MIF4GD: variants seen among roughly 807,000 people sequenced by gnomAD.
The protein encoded by MIF4GD is MIF4G domain containing.
MIF4GD carries 22 observed loss-of-function variants against 26.7 expected under a neutral mutation model. The observed-to-expected ratio is 0.82, with a 90% CI of 0.59 to 1.18. The LOEUF (loss-of-function observed/expected upper bound fraction) is 1.18, where lower values mean the gene tolerates loss of function less well. Ranked by LOEUF, MIF4GD falls within the 50% of genes most tolerant of loss-of-function variation. MIF4GD has a pLI of 0.00. For synonymous variants in MIF4GD, 137 were observed against 111.6 expected, an observed-to-expected ratio of 1.23 and a Z score of -1.43; for missense variants, 262 against 279.6, an observed-to-expected ratio of 0.94 and a Z score of 0.45.
Position 75,268,172 on chromosome 17 carries a change from C to G in MIF4GD, c.103G>C (p.Glu35Gln). Residue 35 changes from glutamate to glutamine, a missense_variant, in exon 3 of 6, where the codon GAG (glutamate) becomes CAG (glutamine). Transcript: ENST00000325102. Reference protein sequence around the residue: ...ALKDPGAVDLEKVANVIVDHS... With the variant: ...ALKDPGAVDLQKVANVIVDHS... The stretch of plus-strand genomic sequence containing the variant: ...TCCACAATCACATTGGCCACTTTCT[C>G]CAAGTCCACAGCACCCGGATCTAGG... The G allele has an allele frequency of 6.2e-7, 1 of 1,614,214 alleles. No homozygotes were observed. The highest frequency in any genetic ancestry group is 8.5e-7 in the Non-Finnish European group (1 of 1,180,014).
Position 75,270,327 on chromosome 17 carries a change from C to G in MIF4GD, c.-50-82G>C. On this transcript the variant is annotated intron_variant, in intron 1 of 5. Transcript: ENST00000325102. The surrounding 1 kb of genome is among the most constrained non-coding windows in gnomAD (Gnocchi z 5.7). Reference sequence around the variant, plus strand: ...TCCTGCAGGCCCTGGACGGGGCTGACGGCGCGCTCGGGACAGGGACTCCTG... The same window carrying G: ...TCCTGCAGGCCCTGGACGGGGCTGAGGGCGCGCTCGGGACAGGGACTCCTG... The G allele has an allele frequency of 1.0e-5, 8 of 764,016 alleles. No individual in the cohort carries two copies. Among genetic ancestry groups the G allele is most frequent in the East Asian group, 2.6e-5 (1 of 39,208 alleles). 47.3% of individuals were successfully genotyped at this position (764,016 alleles called of 1,614,324 possible). A position where few individuals can be genotyped will look rare whatever the true frequency, so the allele number is the denominator to read the frequency against.
chr17:75,267,730 G>A lies in MIF4GD; in HGVS notation c.348+16C>T. Reference sequence around the variant, plus strand: ...CAGGCCATGTCTGCCTCCCAGGGTGGCTGCCGGGGCCTCACCCTCAGGTAG... The same window carrying A: ...CAGGCCATGTCTGCCTCCCAGGGTGACTGCCGGGGCCTCACCCTCAGGTAG... On this transcript the variant is annotated intron_variant, in intron 4 of 5. Coordinates refer to ENST00000325102, the MANE Select transcript of MIF4GD (RefSeq NM_001370592.1). The A allele has an allele frequency of 6.2e-7, 1 of 1,612,038 alleles. No individual in the cohort carries two copies. The highest frequency in any genetic ancestry group is 8.5e-7 in the Non-Finnish European group (1 of 1,178,604).
chr17:75,267,311 A>C, intron 5 of MIF4GD: 1 of 604,980 alleles, frequency 1.7e-6, no homozygotes, highest in Non-Finnish European at 2.9e-6. Flanking sequence ...TGGCTTTCTG[A>C]CTGAGAAGGA....
At chr17:75,267,145 T>C (rs1471504304) in intron 5 of MIF4GD, among the ~76,000 whole-genome samples, 178 bp from the exon 6 acceptor site, 1 of 152,170 alleles carries the variant, frequency 6.6e-6, no homozygotes, top group East Asian at 1.9e-4. Context: ...GGGACTTGCC[T>C]GAGGTCCCTC....
At chr17:75,267,000 C>G (rs763930170) in intron 5 of MIF4GD, 33 bp from the exon 6 acceptor site, 1 of 1,583,830 alleles carries the variant, frequency 6.3e-7, no homozygotes, top group Non-Finnish European at 8.6e-7. Flanking sequence ...CACAAGTGAA[C>G]TGGGGCAGTG....
Position 75,266,837 on chromosome 17 carries a change from G to A in MIF4GD, c.572C>T (p.Ala191Val). The A allele has an allele frequency of 1.2e-6, 2 of 1,614,202 alleles. No homozygotes were observed. Among genetic ancestry groups the A allele is most frequent in the East Asian group, 2.2e-5 (1 of 44,888 alleles). ...FLLPTGLSSLAQLLLLEIIEF... is the reference protein window; with the variant it reads ...FLLPTGLSSLVQLLLLEIIEF... ...AATGATCTCCAGCAGCAGCAGCTGG[G>A]CCAGGGAGCTGAGGCCAGTTGGGAG... The change falls in exon 6 of 6, where the codon GCC (alanine) becomes GTC (valine). Residue 191 changes from alanine to valine, a missense_variant. Coordinates refer to ENST00000325102, the MANE Select transcript of MIF4GD (RefSeq NM_001370592.1).
chr17:75,269,429 T>G (rs779970856), intron 2 of MIF4GD: 1 of 1,614,128 alleles, frequency 6.2e-7, no homozygotes, highest in Non-Finnish European at 8.5e-7. Context: ...ATTCTCCATC[T>G]TCTGTCTCAA....
rs757567271 is a variant in MIF4GD at position 75,267,675 on chromosome 17, G to A, written c.349-45C>T. 5 of 1,613,708 alleles carry A rather than the reference G, an allele frequency of 3.1e-6. No homozygotes were observed. The South Asian group carries it at 5.5e-5, about 18-fold the overall frequency. ...TCAGAGCACCAGGCTTAGTGGCCAA[G>A]GGGAGCAGTCCAACCTGGGCCTCAG... On this transcript the variant is annotated intron_variant, in intron 4 of 5. Transcript: ENST00000325102.
In MIF4GD at chr17:75,267,881, G is replaced by A. The variant is rs1313486703; in HGVS notation, c.213C>T (p.Gly71=). 11 of 1,613,074 alleles carry A rather than the reference G, an allele frequency of 6.8e-6. No homozygotes were observed. Among genetic ancestry groups the A allele is most frequent in the African/African-American group, 1.3e-5 (1 of 75,056 alleles). The part of the protein sequence containing the change: ...AIIQAESKQA[G]QSVFRRGLLN... Reference sequence around the variant, plus strand: ...GGAGTCCACGTCGGAAGACACTCTGGCCTGCTTGTTTACTCTCTGCCTGTG... The same window carrying A: ...GGAGTCCACGTCGGAAGACACTCTGACCTGCTTGTTTACTCTCTGCCTGTG... Residue 71 remains glycine (G), a synonymous_variant, in exon 4 of 6, where the codon GGC becomes GGT. Coordinates refer to ENST00000325102, the MANE Select transcript of MIF4GD (RefSeq NM_001370592.1).
In MIF4GD at chr17:75,266,757, T is replaced by C. The variant is rs2077497293; in HGVS notation, c.652A>G (p.Ser218Gly). Residue 218 changes from serine (S) to glycine (G), a missense_variant, in exon 6 of 6, where the codon AGC becomes GGC. Ser to Gly is a moderately conservative substitution (Grantham distance 56, BLOSUM62 0). Transcript: ENST00000325102. ...TTPAAHKYYY[S>G]EVSD ...CTGGAGGCCTAGTCGGAGACTTCGC[T>C]GTAGTAATACTTGTGGGCAGCTGGC... 30 of 1,614,210 alleles carry C rather than the reference T, an allele frequency of 1.9e-5. No homozygotes were observed. Among genetic ancestry groups the C allele is most frequent in the Non-Finnish European group, 2.5e-5 (30 of 1,180,038 alleles).
At chr17:75,269,507 G>A (rs1364326487) in intron 2 of MIF4GD, 6 of 1,565,488 alleles carry the variant, frequency 3.8e-6, no homozygotes, top group Non-Finnish European at 5.2e-6. Context: ...AAATGTAAGC[G>A]CTTCAAGGGC....
chr17:75,268,809 G>A lies in MIF4GD; in HGVS notation c.83-617C>T, dbSNP rs572675205. On this transcript the variant is annotated intron_variant, in intron 2 of 5. Coordinates refer to ENST00000325102, the MANE Select transcript of MIF4GD (RefSeq NM_001370592.1). ...GGTCAGGATCAGGAGGTCAAGACCA[G>A]CCTGGCCAACATGATGAAACCCCGT... Among the ~76,000 whole-genome samples the A allele has an allele frequency of 5.9e-5, 9 of 152,090 alleles. No individual in the cohort carries two copies. The East Asian group carries it at 1.5e-3, about 26-fold the overall frequency.
rs2077551065 is a variant in MIF4GD at position 75,267,735 on chromosome 17, CG to C, written c.348+10del. On this transcript the variant is annotated intron_variant, in intron 4 of 5. Coordinates refer to ENST00000325102, the MANE Select transcript of MIF4GD (RefSeq NM_001370592.1). ...CATGTCTGCCTCCCAGGGTGGCTGC[CG>C]GGGCCTCACCCTCAGGTAGTCAAAG... The C allele has an allele frequency of 6.2e-7, 1 of 1,611,922 alleles. No individual in the cohort carries two copies. Among genetic ancestry groups the C allele is most frequent in the East Asian group, 2.2e-5 (1 of 44,866 alleles).
rs2077686478 is a variant in MIF4GD, at chr17:75,270,310, G to GCC, written c.-50-67_-50-66dup. ...GCGCAGGGCGGGTTCCGTCCTGCAG[G>GCC]CCCTGGACGGGGCTGACGGCGCGCT... On this transcript the variant is annotated intron_variant, in intron 1 of 5. Transcript: ENST00000325102. The surrounding 1 kb of genome is among the most constrained non-coding windows in gnomAD (Gnocchi z 5.7). 3 of 928,860 alleles carry GCC rather than the reference G, an allele frequency of 3.2e-6. No individual in the cohort carries two copies. Among genetic ancestry groups the GCC allele is most frequent in the Non-Finnish European group, 3.4e-6 (2 of 581,160 alleles). The allele number at this position is 928,860 out of a possible 1,614,324, so 57.5% of individuals were successfully genotyped here.
intron 5 of MIF4GD, 28 bp from the exon 6 acceptor site, chr17:75,266,995 G>A (rs755736211): frequency 5.6e-6 from 9 of 1,593,314 alleles, no homozygotes; most frequent in Admixed American, 5.1e-5. Flanking sequence ...GGTAACACAA[G>A]TGAACTGGGG....
intron 2 of MIF4GD, among the ~76,000 whole-genome samples, chr17:75,269,193 T>A (rs1299856184): frequency 3.3e-5 from 5 of 152,230 alleles, no homozygotes; most frequent in Non-Finnish European, 5.9e-5. Context: ...GAAGGAATAC[T>A]GACCAGGACA....
chr17:75,267,414 A>C (rs755104985), intron 5 of MIF4GD, 124 bp downstream of exon 5: 2 of 951,048 alleles, frequency 2.1e-6, no homozygotes, highest in South Asian at 1.5e-5. Context: ...AAACACCCCC[A>C]CAGTCCTGCC....
In MIF4GD at chr17:75,267,888, T is replaced by A. The variant is rs1247529007; in HGVS notation, c.206A>T (p.Gln69Leu). Residue 69 changes from glutamine (Q) to leucine (L), a missense_variant, in exon 4 of 6, where the codon CAA (glutamine) becomes CTA (leucine). Transcript: ENST00000325102. ...CYAIIQAESK[Q>L]AGQSVFRRGL... Reference sequence around the variant, plus strand: ...ACGTCGGAAGACACTCTGGCCTGCTTGTTTACTCTCTGCCTGTGAGCCAGG... The same window carrying A: ...ACGTCGGAAGACACTCTGGCCTGCTAGTTTACTCTCTGCCTGTGAGCCAGG... The A allele has an allele frequency of 1.2e-6, 2 of 1,612,648 alleles. No homozygotes were observed. The highest frequency in any genetic ancestry group is 1.7e-6 in the Non-Finnish European group (2 of 1,179,498).
At position 75,266,392 on chromosome 17, in the gene MIF4GD, C is replaced by A; in HGVS notation, c.*348G>T. 1 of 404,304 alleles carries A rather than the reference C, an allele frequency of 2.5e-6. No individual in the cohort carries two copies. The highest frequency in any genetic ancestry group is 4.6e-6 in the Non-Finnish European group (1 of 215,406). The allele number at this position is 404,304 out of a possible 1,614,324, so 25.0% of individuals were successfully genotyped here. On this transcript the variant is annotated 3_prime_UTR_variant, in exon 6 of 6. Transcript: ENST00000325102. ...TCTGGTGTGACTTGTGCTCTGCCTCCACCCCTTGACATCCCAAAATATCCC... is the reference window on the plus strand; with the variant it reads ...TCTGGTGTGACTTGTGCTCTGCCTCAACCCCTTGACATCCCAAAATATCCC...
Sources: gnomAD v4.1 joint callset for allele counts (sites outside exome capture counted in the v4.1 genomes callset) on GRCh38, gnomAD v4.1.1 for gene constraint, Gnocchi (gnomAD v3.1) non-coding constraint, MANE v1.5 for transcripts, NCBI Gene and HGNC (gene_info 2026-07-23, HGNC 2026-07-21) for gene names.